The following SPATA16 variants were observed in gnomAD, a reference collection of about 807,000 sequenced individuals.
The protein encoded by SPATA16 is spermatogenesis associated 16.
SPATA16 carries 36 observed loss-of-function variants against 63.3 expected under a neutral mutation model. That is an observed-to-expected ratio of 0.57 (90% CI 0.44 to 0.75). The LOEUF is 0.75. Among genes scored for constraint, SPATA16 ranks in the 30% least tolerant of loss-of-function variants. SPATA16 has a pLI of 0.00. For synonymous variants in SPATA16, 203 were observed against 216.7 expected (o/e 0.94, Z 0.56); for missense variants, 646 against 679.3 (o/e 0.95, Z 0.54).
In SPATA16 at chr3:172,916,461, T is replaced by G. The variant is rs1019691844; in HGVS notation, c.1359A>C (p.Ser453=). The change falls in exon 9 of 11, where the codon TCA becomes TCC. Residue 453 remains serine (S), a synonymous_variant. Coordinates refer to ENST00000351008, the MANE Select transcript of SPATA16 (RefSeq NM_031955.6). The stretch of plus-strand genomic sequence containing the variant: ...CATATTGCAACTTCTCCATCACACC[T>G]GAGGATGCAGGAAAACTCCCCTAGT... ...TQLNGSFPAS[S]GVMEKLQYAS... The G allele has an allele frequency of 6.2e-6, 10 of 1,613,594 alleles. No homozygotes were observed. The highest frequency in any genetic ancestry group is 1.3e-5 in the African/African-American group (1 of 74,848).
At chr3:172,989,714 T>A (rs1210649693) in intron 4 of SPATA16, among the ~76,000 whole-genome samples, 1 of 152,206 alleles carries the variant, frequency 6.6e-6, no homozygotes, top group African/African-American at 2.4e-5. Flanking sequence ...CAGTAAGTGG[T>A]AGCTTCCCAG....
intron 4 of SPATA16, among the ~76,000 whole-genome samples, chr3:172,993,208 A>T (rs937118952): frequency 6.6e-6 from 1 of 151,904 alleles, no homozygotes; most frequent in Admixed American, 6.6e-5. Context: ...TAGTGAAAAA[A>T]AAAAGAGAGA....
At chr3:173,119,059 A>G (rs951732206) in intron 1 of SPATA16, among the ~76,000 whole-genome samples, 1 of 152,164 alleles carries the variant, frequency 6.6e-6, no homozygotes, top group African/African-American at 2.4e-5. Flanking sequence ...GAAGACCCTT[A>G]AAACCAAACA....
chr3:172,998,307 T>C (rs1734736731), intron 4 of SPATA16, among the ~76,000 whole-genome samples: 1 of 152,178 alleles, frequency 6.6e-6, no homozygotes, highest in Non-Finnish European at 1.5e-5. Context: ...ATGTACATGA[T>C]AACATTAATG....
chr3:172,980,330 T>C (rs1348950307), intron 4 of SPATA16, among the ~76,000 whole-genome samples: 2 of 152,186 alleles, frequency 1.3e-5, no homozygotes, highest in Non-Finnish European at 2.9e-5. Flanking sequence ...CCATCATTCT[T>C]TCTATTCTCC....
intron 1 of SPATA16, among the ~76,000 whole-genome samples, chr3:173,122,111 C>T (rs1294542037): frequency 6.6e-6 from 1 of 152,098 alleles, no homozygotes; most frequent in Non-Finnish European, 1.5e-5. Flanking sequence ...AAATTGATTT[C>T]CTCATAGAAA....
chr3:172,979,189 A>C (rs1186436961), intron 4 of SPATA16, among the ~76,000 whole-genome samples: 1 of 152,096 alleles, frequency 6.6e-6, no homozygotes, highest in African/African-American at 2.4e-5. Flanking sequence ...GTGAGCCGAG[A>C]TCGCGCCACT....
intron 4 of SPATA16, among the ~76,000 whole-genome samples, chr3:173,000,109 C>T (rs1026913038): frequency 5.3e-5 from 8 of 152,180 alleles, no homozygotes; most frequent in African/African-American, 1.4e-4. Flanking sequence ...GGGCTTCACG[C>T]TCCAGAATGG....
intron 2 of SPATA16, among the ~76,000 whole-genome samples, chr3:173,069,306 G>A (rs6769945): frequency 0.42 from 63,347 of 151,726 alleles, 14,709 homozygotes; most frequent in African/African-American, 0.64. Context: ...AGGAGACAAT[G>A]TAACTGATAG....
At chr3:172,914,486 A>C (rs764870970) in intron 9 of SPATA16, among the ~76,000 whole-genome samples, 17 of 152,288 alleles carry the variant, frequency 1.1e-4, no homozygotes, top group Non-Finnish European at 1.5e-4. Flanking sequence ...ACCTTAGATA[A>C]TCTTTCTTTG....
At chr3:172,986,606 G>T (rs960081216) in intron 4 of SPATA16, among the ~76,000 whole-genome samples, 2 of 152,144 alleles carry the variant, frequency 1.3e-5, no homozygotes, top group African/African-American at 4.8e-5. Flanking sequence ...TTGAACACAG[G>T]TGCAGAGGTT....
intron 6 of SPATA16, 24 bp downstream of exon 6, chr3:172,956,653 T>TAAAGG: frequency 5.6e-6 from 9 of 1,606,492 alleles, no homozygotes; most frequent in Non-Finnish European, 7.6e-6. Flanking sequence ...TATCAGCTGA[T>TAAAGG]AACTTGAAGA....
At chr3:173,048,071 G>A (rs915569360) in intron 3 of SPATA16, among the ~76,000 whole-genome samples, 2 of 151,982 alleles carry the variant, frequency 1.3e-5, no homozygotes, top group African/African-American at 4.8e-5. Context: ...CGATAATCAT[G>A]TTCCCCAGTT....
rs201383554 is a variant in SPATA16, at chr3:173,029,421, G to GT, written c.759-9847dup. Among the ~76,000 whole-genome samples the GT allele has an allele frequency of 6.3e-4, 92 of 147,002 alleles. 1 individual carries two copies. Among genetic ancestry groups the GT allele is most frequent in the African/African-American group, 1.5e-3 (60 of 39,208 alleles). Reference sequence around the variant, plus strand: ...AGTAATCAGAGTTTTTTTTTTGTTTGTTTGTTTTGTTGTTGTTTGTTTGTT... The same window carrying GT: ...AGTAATCAGAGTTTTTTTTTTGTTTGTTTTGTTTTGTTGTTGTTTGTTTGTT... On this transcript the variant is annotated intron_variant, in intron 3 of 10. Transcript: ENST00000351008.
intron 2 of SPATA16, among the ~76,000 whole-genome samples, chr3:173,104,621 T>A (rs1471109311): frequency 6.6e-6 from 1 of 152,110 alleles, no homozygotes; most frequent in Non-Finnish European, 1.5e-5. Flanking sequence ...ATCACTCTCT[T>A]GAGGACAACA....
intron 2 of SPATA16, among the ~76,000 whole-genome samples, chr3:173,103,866 C>T (rs1389678625): frequency 6.6e-6 from 1 of 152,214 alleles, no homozygotes; most frequent in African/African-American, 2.4e-5. Context: ...CATGGCCAAG[C>T]TGCAAATTTT....
intron 4 of SPATA16, among the ~76,000 whole-genome samples, chr3:173,018,736 C>T (rs1199805031): frequency 6.6e-6 from 1 of 152,108 alleles, no homozygotes; most frequent in East Asian, 1.9e-4. Flanking sequence ...TAGAAACCAG[C>T]CACATTTTCC....
intron 6 of SPATA16, among the ~76,000 whole-genome samples, chr3:172,933,736 C>G (rs1732920525): frequency 6.6e-6 from 1 of 152,146 alleles, no homozygotes; most frequent in South Asian, 2.1e-4. Context: ...ATGTGTTCTG[C>G]CCCTTTAAAA....
intron 3 of SPATA16, among the ~76,000 whole-genome samples, chr3:173,048,325 C>T (rs559502895): frequency 3.3e-5 from 5 of 151,692 alleles, no homozygotes; most frequent in African/African-American, 4.8e-5. Context: ...AGAGAAAGAC[C>T]CCTAAAACAT....
Sources: gnomAD v4.1 joint callset for allele counts (sites outside exome capture counted in the v4.1 genomes callset) on GRCh38, gnomAD v4.1.1 for gene constraint, MANE v1.5 for transcripts, NCBI Gene and HGNC (gene_info 2026-07-23, HGNC 2026-07-21) for gene names.